Variants in FRAS1 observed in about 807,000 individuals in gnomAD.
FRAS1 encodes the protein extracellular matrix organizing protein FRAS1.
A neutral mutation model predicts 435.2 loss-of-function variants in FRAS1; 290 were observed. The observed-to-expected ratio is 0.67, with a 90% confidence interval of 0.61 to 0.73. The LOEUF (loss-of-function observed/expected upper bound fraction) is 0.73. Among genes scored for constraint, FRAS1 ranks in the 30% least tolerant of loss-of-function variants. The pLI, the probability that FRAS1 is intolerant of heterozygous loss-of-function variation, is 0.00. For missense variants in FRAS1, 4,860 were observed against 5,001.5 expected (o/e 0.97, Z 0.85); for synonymous variants, 1,800 against 1,851.0 (o/e 0.97, Z 0.71).
intron 2 of FRAS1, among the ~76,000 whole-genome samples, chr4:78,153,984 C>T (rs1329223829): frequency 6.6e-6 from 1 of 151,832 alleles, no homozygotes; most frequent in Admixed American, 6.6e-5. Flanking sequence ...GTCTTTTGTT[C>T]AGCAGAATTT....
intron 66 of FRAS1, among the ~76,000 whole-genome samples, chr4:78,517,015 A>T (rs971788991): frequency 3.3e-5 from 5 of 152,260 alleles, no homozygotes; most frequent in African/African-American, 4.8e-5. Flanking sequence ...ATCTGTCCTC[A>T]TGGGAAAATT....
At position 78,479,615 on chromosome 4, in the gene FRAS1, C is replaced by A. The variant is rs1300187606; in HGVS notation, c.8340C>A (p.Ala2780=). ...EIALADASDN[A]RIGRVATAKV... is the part of the protein sequence containing the mutation. Reference sequence around the variant, plus strand: ...CCTTGGCAGATGCCTCTGACAATGCCCGCATTGGAAGGGTGGCGACAGCCA... The same window carrying A: ...CCTTGGCAGATGCCTCTGACAATGCACGCATTGGAAGGGTGGCGACAGCCA... Residue 2780 remains alanine, a synonymous_variant, in exon 56 of 74, where the codon GCC becomes GCA. Coordinates refer to ENST00000512123, the MANE Select transcript of FRAS1 (RefSeq NM_025074.7). 6.2e-7 allele frequency: 1 copy of A among 1,613,850 alleles called. No individual in the cohort carries two copies. The highest frequency in any genetic ancestry group is 1.7e-5 in the Admixed American group (1 of 60,024).
intron 38 of FRAS1, among the ~76,000 whole-genome samples, chr4:78,434,229 T>A (rs1734327086): frequency 6.6e-6 from 1 of 152,008 alleles, no homozygotes; most frequent in African/African-American, 2.4e-5. Context: ...TGGAAGAGAG[T>A]GATACAATGT....
At chr4:78,252,125 T>C (rs1161162396) in intron 4 of FRAS1, among the ~76,000 whole-genome samples, 1 of 152,212 alleles carries the variant, frequency 6.6e-6, no homozygotes, top group East Asian at 1.9e-4. Context: ...ATTTTTATTT[T>C]CTTTTTGTAT....
chr4:78,127,742 AT>A (rs1297807983), intron 2 of FRAS1, among the ~76,000 whole-genome samples: 5 of 151,888 alleles, frequency 3.3e-5, no homozygotes, highest in Non-Finnish European at 7.4e-5. Context: ...TTATTTATTT[AT>A]TTTTTTAATT....
At chr4:78,465,974 A>C (rs1227499090) in intron 49 of FRAS1, among the ~76,000 whole-genome samples, 3 of 152,234 alleles carry the variant, frequency 2.0e-5, no homozygotes, top group Non-Finnish European at 4.4e-5. Context: ...CCTGAAGAGA[A>C]GAAATTTAAA....
intron 10 of FRAS1, 114 bp downstream of exon 10, chr4:78,278,858 T>C: frequency 1.5e-6 from 1 of 687,360 alleles, no homozygotes; most frequent in Non-Finnish European, 2.6e-6. Context: ...CAAATGTTAT[T>C]GTGCACCTAC....
intron 3 of FRAS1, among the ~76,000 whole-genome samples, chr4:78,244,025 A>T (rs1040782875): frequency 2.6e-5 from 4 of 152,268 alleles, no homozygotes; most frequent in East Asian, 1.9e-4. Context: ...ATTGCATAGT[A>T]TGTATAATTT....
rs1235760133 is a variant in FRAS1 at position 78,267,288 on chromosome 4, G to T, written c.837G>T (p.Val279=). Residue 279 remains valine (V), a synonymous_variant, in exon 9 of 74, where the codon GTG becomes GTT. Transcript: ENST00000512123. The part of the protein sequence containing the change: ...RRHGQCCEEC[V]SPAGSCSYDG... Reference sequence around the variant, plus strand: ...ATGGGCAATGCTGTGAGGAATGTGTGTCTCCTGCCGGGAGCTGCTCCTATG... The same window carrying T: ...ATGGGCAATGCTGTGAGGAATGTGTTTCTCCTGCCGGGAGCTGCTCCTATG... 1 of 1,613,770 alleles carries T rather than the reference G, an allele frequency of 6.2e-7. No individual in the cohort carries two copies. The highest frequency in any genetic ancestry group is 8.5e-7 in the Non-Finnish European group (1 of 1,179,860).
At chr4:78,421,718 T>A in intron 33 of FRAS1, 145 bp from the exon 34 acceptor site, 1 of 841,268 alleles carries the variant, frequency 1.2e-6, no homozygotes, top group Non-Finnish European at 1.9e-6. Context: ...AACCAGAGAG[T>A]GGCATACCAA....
intron 2 of FRAS1, among the ~76,000 whole-genome samples, chr4:78,078,418 C>T (rs914571622): frequency 3.3e-5 from 5 of 152,250 alleles, no homozygotes; most frequent in African/African-American, 7.2e-5. Context: ...TTAGTATATT[C>T]TCTGACTGTA....
chr4:78,250,550 A>G (rs1725485501), intron 4 of FRAS1, among the ~76,000 whole-genome samples: 1 of 152,240 alleles, frequency 6.6e-6, no homozygotes, highest in Admixed American at 6.5e-5. Context: ...AAGTGAAATT[A>G]GTAGGTCAAG....
chr4:78,258,704 TTATC>T (rs931858102), intron 6 of FRAS1, among the ~76,000 whole-genome samples: 5 of 150,008 alleles, frequency 3.3e-5, no homozygotes, highest in African/African-American at 4.9e-5. Context: ...TTTTATTTAT[TTATC>T]TATTATTATT....
intron 20 of FRAS1, among the ~76,000 whole-genome samples, chr4:78,341,196 G>A (rs1204479085): frequency 1.3e-5 from 2 of 152,190 alleles, no homozygotes; most frequent in Non-Finnish European, 2.9e-5. Flanking sequence ...GTGAGAATTA[G>A]AGGAATTTGG....
intron 38 of FRAS1, among the ~76,000 whole-genome samples, chr4:78,435,511 T>C (rs963924744): frequency 6.6e-6 from 1 of 151,990 alleles, no homozygotes; most frequent in Admixed American, 6.6e-5. Context: ...GGACGAGGCA[T>C]GTAGATCATT....
intron 14 of FRAS1, among the ~76,000 whole-genome samples, chr4:78,293,266 G>A (rs996769954): frequency 2.6e-5 from 4 of 152,186 alleles, no homozygotes; most frequent in Admixed American, 2.0e-4. Context: ...ATTGGGGCAG[G>A]GACATGCCGT....
chr4:78,464,143 G>T lies in FRAS1; in HGVS notation c.6886G>T (p.Glu2296Ter). The stretch of plus-strand genomic sequence containing the variant: ...CTTTACACTGTCTGATGGAGTCAGT[G>T]AGGTAGGTGAGGCACTGAACTCCAT... ...FSFTLSDGVS[E>*]VTQTFHITLH... Residue 2296 changes from glutamate (E) to a stop codon, truncating the protein, a stop_gained and splice_region_variant, in exon 48 of 74, where the codon GAG becomes TAG. Transcript: ENST00000512123. LOFTEE classifies it high-confidence loss of function. 1 of 1,607,486 alleles carries T rather than the reference G, an allele frequency of 6.2e-7. No individual in the cohort carries two copies.
intron 14 of FRAS1, among the ~76,000 whole-genome samples, chr4:78,303,675 A>G (rs1728545794): frequency 6.6e-6 from 1 of 152,062 alleles, no homozygotes; most frequent in Non-Finnish European, 1.5e-5. Flanking sequence ...TTGGTGTATA[A>G]GAATGCTTGT....
chr4:78,202,422 G>T (rs10012084), intron 2 of FRAS1, among the ~76,000 whole-genome samples: 4,745 of 152,246 alleles, frequency 0.031, 227 homozygotes, highest in African/African-American at 0.11. Flanking sequence ...TGGGTGCCAT[G>T]GCTCATGCCT....
Sources: allele counts gnomAD v4.1 joint callset (sites outside exome capture counted in the v4.1 genomes callset), GRCh38; gene constraint gnomAD v4.1.1; transcripts MANE v1.5; gene names NCBI Gene and HGNC (gene_info 2026-07-23, HGNC 2026-07-21).